Variants in AFG1L observed in about 807,000 individuals in gnomAD.
AFG1L encodes AFG1 like ATPase, also known as AFG1-like ATPase.
Under a neutral mutation model 62.2 loss-of-function variants are expected in AFG1L, and 53 were observed. The ratio of observed to expected loss-of-function variants is 0.85; its 90% confidence interval spans 0.68 to 1.07. AFG1L has a LOEUF of 1.07. AFG1L is among the 50% of genes least tolerant of loss of function. The pLI is 0.00. For missense variants in AFG1L, 555 were observed against 590.5 expected (o/e 0.94, Z 0.62); for synonymous variants, 228 against 210.3 (o/e 1.08, Z -0.73).
chr6:108,510,475 C>T, intron 11 of AFG1L, 123 bp downstream of exon 11: 1 of 712,526 alleles, frequency 1.4e-6, no homozygotes, highest in Non-Finnish European at 2.3e-6. Context: ...GCCTCCATTC[C>T]CTCATGTGTG....
intron 7 of AFG1L, among the ~76,000 whole-genome samples, chr6:108,415,047 TAAGCTGATA>T (rs1374187037): frequency 6.6e-6 from 1 of 152,208 alleles, no homozygotes; most frequent in African/African-American, 2.4e-5. Context: ...AAAATCTCCT[TAAGCTGATA>T]AGCAACTTCA....
intron 10 of AFG1L, among the ~76,000 whole-genome samples, chr6:108,487,008 C>G (rs1393315720): frequency 1.3e-5 from 2 of 152,168 alleles, no homozygotes; most frequent in African/African-American, 4.8e-5. Flanking sequence ...CCCAGCCAGT[C>G]AGCAACTATT....
At chr6:108,437,659 C>A (rs1195909611) in intron 7 of AFG1L, among the ~76,000 whole-genome samples, 1 of 152,094 alleles carries the variant, frequency 6.6e-6, no homozygotes, top group African/African-American at 2.4e-5. Context: ...TTATCTCATA[C>A]ATGGTCTTGG....
At chr6:108,295,243 C>G in intron 1 of AFG1L, 25 bp downstream of exon 1, 2 of 1,588,556 alleles carry the variant, frequency 1.3e-6, no homozygotes, top group Non-Finnish European at 1.7e-6. Flanking sequence ...CATGAGTAGT[C>G]CGAGCCGACT....
chr6:108,324,262 A>G (rs1044169364), intron 2 of AFG1L, among the ~76,000 whole-genome samples: 12 of 152,174 alleles, frequency 7.9e-5, no homozygotes, highest in African/African-American at 2.9e-4. Context: ...TTAGGTATTT[A>G]AAAAATGCAG....
chr6:108,379,374 A>G (rs1780398701), intron 6 of AFG1L, among the ~76,000 whole-genome samples: 1 of 152,168 alleles, frequency 6.6e-6, no homozygotes, highest in Non-Finnish European at 1.5e-5. Context: ...AAGCCTGTAG[A>G]TGGCATGCAC....
At chr6:108,401,247 A>T (rs897427613) in intron 6 of AFG1L, among the ~76,000 whole-genome samples, 1 of 148,200 alleles carries the variant, frequency 6.7e-6, no homozygotes, top group African/African-American at 2.5e-5. Flanking sequence ...GGTTCACGCC[A>T]TTCTCCTGCC....
At chr6:108,355,614 A>C (rs1211382838) in intron 3 of AFG1L, 40 bp from the exon 4 acceptor site, 1 of 1,039,144 alleles carries the variant, frequency 9.6e-7, no homozygotes, top group Non-Finnish European at 1.4e-6. Flanking sequence ...ATCAGTACAT[A>C]CTATTTAATA....
chr6:108,295,471 G>T (rs1430137153), intron 1 of AFG1L, among the ~76,000 whole-genome samples: 2 of 152,080 alleles, frequency 1.3e-5, no homozygotes, highest in African/African-American at 2.4e-5. Context: ...CTTCCGGGAC[G>T]TTTAGAGAGC....
intron 11 of AFG1L, among the ~76,000 whole-genome samples, chr6:108,516,417 T>C (rs1394950968): frequency 6.6e-6 from 1 of 152,178 alleles, no homozygotes; most frequent in Non-Finnish European, 1.5e-5. Context: ...ATTATCTCAA[T>C]AGATGCAGAA....
intron 1 of AFG1L, among the ~76,000 whole-genome samples, chr6:108,298,260 A>ATTTTTT (rs779200181): frequency 8.2e-6 from 1 of 121,494 alleles, no homozygotes. Context: ...GAGGGGAAGA[A>ATTTTTT]TTTTTTTTTT....
chr6:108,340,189 A>G (rs184602545), intron 2 of AFG1L, among the ~76,000 whole-genome samples: 33 of 152,162 alleles, frequency 2.2e-4, no homozygotes, highest in Admixed American at 1.6e-3. Context: ...CACTTAATGT[A>G]ATGACCTCCA....
At chr6:108,490,933 T>C (rs1773753027) in intron 10 of AFG1L, among the ~76,000 whole-genome samples, 1 of 152,244 alleles carries the variant, frequency 6.6e-6, no homozygotes, top group South Asian at 2.1e-4. Context: ...TGCTGTTTAT[T>C]ATCTGAAGTT....
chr6:108,473,856 G>A (rs752047866), intron 8 of AFG1L, among the ~76,000 whole-genome samples: 7 of 152,148 alleles, frequency 4.6e-5, no homozygotes, highest in Non-Finnish European at 8.8e-5. Flanking sequence ...ACTATGCCCG[G>A]CCAGCTCACT....
chr6:108,399,533 A>G (rs1444330511), intron 6 of AFG1L, among the ~76,000 whole-genome samples: 5 of 150,876 alleles, frequency 3.3e-5, no homozygotes, highest in African/African-American at 4.9e-5. Flanking sequence ...TTTATTTGTG[A>G]CTGTTGTAAA....
At position 108,442,056 on chromosome 6, in the gene AFG1L, T is replaced by C. The variant is rs559052827; in HGVS notation, c.808-5158T>C. On this transcript the variant is annotated intron_variant, in intron 7 of 12. Coordinates refer to ENST00000368977, the MANE Select transcript of AFG1L (RefSeq NM_145315.5). ...GGCAAATATATTTATATGACTGTAT[T>C]GTGACACTGTATTTGATGTCTGTAG... is the stretch of plus-strand genomic sequence containing the variant. 2.6e-5 allele frequency among the ~76,000 whole-genome samples: 4 copies of C among 152,276 alleles called. 1 individual carries two copies. In the South Asian group the frequency reaches 8.3e-4, roughly 32 times the overall value.
At chr6:108,504,966 T>C (rs1774341089) in intron 10 of AFG1L, among the ~76,000 whole-genome samples, 1 of 152,050 alleles carries the variant, frequency 6.6e-6, no homozygotes, top group African/African-American at 2.4e-5. Flanking sequence ...CATCCTGAAG[T>C]CCTGAAGGAC....
intron 8 of AFG1L, among the ~76,000 whole-genome samples, chr6:108,467,445 G>A (rs1400056598): frequency 6.6e-6 from 1 of 151,846 alleles, no homozygotes; most frequent in Non-Finnish European, 1.5e-5. Context: ...ATGGAGTTTC[G>A]CCATATTAGC....
intron 1 of AFG1L, 70 bp downstream of exon 1, chr6:108,295,288 C>A: frequency 6.7e-7 from 1 of 1,500,914 alleles, no homozygotes; most frequent in Non-Finnish European, 8.9e-7. Flanking sequence ...GATTACCCTC[C>A]CTGTCCGATC....
Sources: allele counts gnomAD v4.1 joint callset (sites outside exome capture counted in the v4.1 genomes callset), GRCh38; gene constraint gnomAD v4.1.1; transcripts MANE v1.5; gene names NCBI Gene and HGNC (gene_info 2026-07-23, HGNC 2026-07-21).